Variants in ZNF512 observed in about 807,000 individuals in gnomAD.
The protein encoded by ZNF512 is zinc finger protein 512.
Under a neutral mutation model 77.5 loss-of-function variants are expected in ZNF512, and 25 were observed. That is an observed-to-expected ratio of 0.32 (90% CI 0.23 to 0.45). The LOEUF (loss-of-function observed/expected upper bound fraction) is 0.45. Among genes scored for constraint, ZNF512 ranks in the 20% least tolerant of loss-of-function variants. The pLI is 1.00. For missense variants in ZNF512, 483 were observed against 692.6 expected (o/e 0.70, Z 3.40); for synonymous variants, 246 against 239.9 (o/e 1.03, Z -0.24).
chr2:27,613,855 T>C (rs1209463792), intron 10 of ZNF512, among the ~76,000 whole-genome samples: 3 of 152,110 alleles, frequency 2.0e-5, no homozygotes. Flanking sequence ...TGTGATAGTT[T>C]ATTACTATTA....
chr2:27,601,093 G>A (rs1321995049), intron 6 of ZNF512, among the ~76,000 whole-genome samples: 1 of 152,218 alleles, frequency 6.6e-6, no homozygotes, highest in Non-Finnish European at 1.5e-5. Flanking sequence ...TCCATGAGAG[G>A]ATAAGAAAGA....
intron 3 of ZNF512, among the ~76,000 whole-genome samples, chr2:27,598,908 C>G (rs1029393230): frequency 1.3e-5 from 2 of 152,112 alleles, no homozygotes; most frequent in South Asian, 4.1e-4. Flanking sequence ...CTCAGGCTCA[C>G]CGCACCCTCC....
In ZNF512 at chr2:27,596,226, C is replaced by T. The variant is rs145386892; in HGVS notation, c.90-1841C>T. Among the ~76,000 whole-genome samples the T allele has an allele frequency of 3.9e-3, 597 of 152,290 alleles. 4 individuals are homozygous for T. Among genetic ancestry groups the T allele is most frequent in the African/African-American group, 0.014 (571 of 41,558 alleles). On this transcript the variant is annotated intron_variant, in intron 2 of 13. Transcript: ENST00000355467. ...TCTGCAGGTGTTTCCAATCTTATTT[C>T]AGTTCTCCAAGCTTTTGCTGCTTTG...
Position 27,621,567 on chromosome 2 carries a change from C to A in ZNF512, c.*106C>A. The A allele has an allele frequency of 1.6e-6, 2 of 1,215,126 alleles. No individual in the cohort carries two copies. The highest frequency in any genetic ancestry group is 2.8e-5 in the Admixed American group (1 of 35,592). 75.3% of individuals were successfully genotyped at this position (1,215,126 alleles called of 1,614,324 possible). A position where few individuals can be genotyped will look rare whatever the true frequency, so the allele number is the denominator to read the frequency against. On this transcript the variant is annotated 3_prime_UTR_variant, in exon 14 of 14. Coordinates refer to ENST00000355467, the MANE Select transcript of ZNF512 (RefSeq NM_032434.4). Reference sequence around the variant, plus strand: ...GATTCTTTCAGCTGTTTGTGTAAGGCTGTGACTTTCTCAGCTCCTTCCTCC... The same window carrying A: ...GATTCTTTCAGCTGTTTGTGTAAGGATGTGACTTTCTCAGCTCCTTCCTCC...
intron 2 of ZNF512, among the ~76,000 whole-genome samples, chr2:27,593,990 T>C (rs1671720166): frequency 6.6e-6 from 1 of 152,258 alleles, no homozygotes; most frequent in Admixed American, 6.5e-5. Flanking sequence ...TTTCCCCCTT[T>C]TCTTTTCGAC....
chr2:27,586,375 G>A (rs1247278286), intron 2 of ZNF512, among the ~76,000 whole-genome samples: 1 of 152,102 alleles, frequency 6.6e-6, no homozygotes, highest in Non-Finnish European at 1.5e-5. Context: ...GATTACAGGT[G>A]CACACCGCTG....
At chr2:27,610,568 ATTTT>A (rs767964486) in intron 10 of ZNF512, among the ~76,000 whole-genome samples, 228 of 18,170 alleles carry the variant, frequency 0.013, 6 homozygotes, top group African/African-American at 0.031. Flanking sequence ...ATATATATAT[ATTTT>A]TTTTTTTTTT....
intron 13 of ZNF512, among the ~76,000 whole-genome samples, chr2:27,620,349 T>C (rs562953268): frequency 6.6e-6 from 1 of 152,344 alleles, no homozygotes; most frequent in South Asian, 2.1e-4. Flanking sequence ...GACTAAAAGC[T>C]TCCTCTTCTT....
intron 3 of ZNF512, among the ~76,000 whole-genome samples, chr2:27,598,879 TAGA>T (rs1671989734): frequency 6.6e-6 from 1 of 151,996 alleles, no homozygotes; most frequent in South Asian, 2.1e-4. Context: ...TTGCCCAGAC[TAGA>T]GTGCAATGAC....
chr2:27,601,275 A>G, intron 6 of ZNF512, 81 bp from the exon 7 acceptor site: 1 of 1,000,806 alleles, frequency 1.0e-6, no homozygotes, highest in Non-Finnish European at 1.5e-6. Context: ...GGAGACATAG[A>G]TGAAAGCATT....
chr2:27,610,039 T>A lies in ZNF512; in HGVS notation c.1131+2000T>A, dbSNP rs542267320. ...CTGGGCCACAGAGCAAGACTTCATC[T>A]CAAAAAAATAATAATAAAAATAAAT... On this transcript the variant is annotated intron_variant, in intron 10 of 13. Transcript: ENST00000355467. Among the ~76,000 whole-genome samples the A allele has an allele frequency of 5.6e-4, 85 of 151,400 alleles. 1 individual carries two copies. The Middle Eastern group carries it at 0.01, about 18-fold the overall frequency.
rs1490825582 is a variant in ZNF512, at chr2:27,601,340, G to A, written c.583-16G>A. ...CTGTGGAACAACCTAGCACTGAGCA[G>A]TATTTTTCCTTCTAGGAAATGTTTA... On this transcript the variant is annotated splice_polypyrimidine_tract_variant and intron_variant, in intron 6 of 13. Transcript: ENST00000355467. The A allele has an allele frequency of 5.0e-6, 8 of 1,604,780 alleles. No homozygotes were observed. The highest frequency in any genetic ancestry group is 6.0e-6 in the Non-Finnish European group (7 of 1,171,898).
At chr2:27,597,229 C>CT (rs1326986539) in intron 2 of ZNF512, among the ~76,000 whole-genome samples, 2 of 152,154 alleles carry the variant, frequency 1.3e-5, no homozygotes, top group Admixed American at 1.3e-4. Flanking sequence ...TTCAAGTTAA[C>CT]TTTTTTCCTT....
chr2:27,601,868 C>T (rs973171853), intron 7 of ZNF512, among the ~76,000 whole-genome samples: 3 of 152,324 alleles, frequency 2.0e-5, no homozygotes, highest in East Asian at 1.9e-4. Flanking sequence ...AGGCTGGTCT[C>T]GATCTCCCAA....
chr2:27,617,577 G>A lies in ZNF512; in HGVS notation c.1395+6G>A. 1 of 1,079,094 alleles carries A rather than the reference G, an allele frequency of 9.3e-7. No individual in the cohort carries two copies. The highest frequency in any genetic ancestry group is 1.4e-6 in the Non-Finnish European group (1 of 691,026). The allele number at this position is 1,079,094 out of a possible 1,614,324, so 66.8% of individuals were successfully genotyped here. ...TCAACTCCGTCCATGCTGAGGTGAG[G>A]TTTTTGTAATCCTGTGGGCCTGATA... On this transcript the variant is annotated splice_donor_region_variant and intron_variant, in intron 13 of 13. Transcript: ENST00000355467.
At chr2:27,603,368 C>T (rs1672209844) in intron 9 of ZNF512, 61 bp downstream of exon 9, 1 of 1,552,206 alleles carries the variant, frequency 6.4e-7, no homozygotes, top group Non-Finnish European at 8.8e-7. Context: ...AGTCCTTACC[C>T]CTCTATCTTC....
At chr2:27,610,707 A>C (rs1013280659) in intron 10 of ZNF512, among the ~76,000 whole-genome samples, 1 of 146,600 alleles carries the variant, frequency 6.8e-6, no homozygotes, top group Admixed American at 6.9e-5. Flanking sequence ...CAGCCTCCCA[A>C]GTAGCTGGGA....
intron 2 of ZNF512, among the ~76,000 whole-genome samples, chr2:27,594,959 T>C (rs539255153): frequency 5.0e-4 from 76 of 151,972 alleles, no homozygotes; most frequent in Non-Finnish European, 8.4e-4. Flanking sequence ...CGAAACCCCG[T>C]CTCCACCAAA....
chr2:27,603,901 T>TA (rs1672243679), intron 9 of ZNF512, among the ~76,000 whole-genome samples: 2 of 151,660 alleles, frequency 1.3e-5, no homozygotes, highest in African/African-American at 4.8e-5. Flanking sequence ...CTCAGCCCAT[T>TA]ATTTAATTAA....
Sources: allele counts gnomAD v4.1 joint callset (sites outside exome capture counted in the v4.1 genomes callset), GRCh38; gene constraint gnomAD v4.1.1; transcripts MANE v1.5; gene names NCBI Gene and HGNC (gene_info 2026-07-23, HGNC 2026-07-21).